SAP130: variants seen among roughly 807,000 people sequenced by gnomAD.
SAP130 encodes Sin3A associated protein 130, also known as histone deacetylase complex subunit SAP130.
A neutral mutation model predicts 103.2 loss-of-function variants in SAP130; 16 were observed. The ratio of observed to expected loss-of-function variants is 0.16; its 90% CI spans 0.10 to 0.24. SAP130 has a LOEUF of 0.24. SAP130 is among the 10% of genes least tolerant of loss of function. The pLI is 1.00. For missense variants in SAP130, 990 were observed against 1,359.7 expected (o/e 0.73, Z 4.28); for synonymous variants, 477 against 497.0 (o/e 0.96, Z 0.53).
intron 15 of SAP130, among the ~76,000 whole-genome samples, chr2:127,959,572 T>C (rs1680094020): frequency 6.6e-6 from 1 of 152,188 alleles, no homozygotes; most frequent in Admixed American, 6.5e-5. Context: ...CCTGCTGGTG[T>C]AGTTTGAGAG....
intron 15 of SAP130, among the ~76,000 whole-genome samples, chr2:127,970,525 G>C (rs1681006070): frequency 7.5e-6 from 1 of 133,450 alleles, no homozygotes; most frequent in African/African-American, 2.9e-5. Flanking sequence ...TGGCGACAGA[G>C]AGCAAGACTC....
chr2:128,002,013 A>G lies in SAP130; in HGVS notation c.870-1559T>C, dbSNP rs1683597038. 1.3e-5 allele frequency among the ~76,000 whole-genome samples: 2 copies of G among 151,248 alleles called. 1 individual carries two copies. Among genetic ancestry groups the G allele is most frequent in the South Asian group, 4.2e-4 (2 of 4,794 alleles). Reference sequence around the variant, plus strand: ...ATGATCTCAGCTGACTGCAACCTCCACCTCCCAGGCAGAGGCAATTCTCCT... The same window carrying G: ...ATGATCTCAGCTGACTGCAACCTCCGCCTCCCAGGCAGAGGCAATTCTCCT... On this transcript the variant is annotated intron_variant, in intron 7 of 20. Transcript: ENST00000643581.
intron 10 of SAP130, among the ~76,000 whole-genome samples, chr2:127,997,432 C>T (rs1015322131): frequency 6.6e-6 from 1 of 152,216 alleles, no homozygotes; most frequent in Non-Finnish European, 1.5e-5. Context: ...AGGATGCCAA[C>T]ATATTACCCT....
intron 10 of SAP130, among the ~76,000 whole-genome samples, chr2:127,999,050 C>A (rs1029731162): frequency 6.6e-6 from 1 of 152,106 alleles, no homozygotes; most frequent in African/African-American, 2.4e-5. Flanking sequence ...CAGAAGGTTA[C>A]GGGAAAAATT....
intron 2 of SAP130, among the ~76,000 whole-genome samples, chr2:128,018,483 C>CAAAAAAAAAAAAAAAAAAAAAAAAAAAA (rs759445928): frequency 2.9e-5 from 2 of 69,474 alleles, no homozygotes; most frequent in African/African-American, 1.3e-4. Context: ...AGATTGTCTC[C>CAAAAAAAAAAAAAAAAAAAAAAAAAAAA]AAAAAAAAAA....
intron 15 of SAP130, among the ~76,000 whole-genome samples, chr2:127,957,159 AGGTG>A (rs1679898693): frequency 6.6e-6 from 1 of 152,048 alleles, no homozygotes; most frequent in Non-Finnish European, 1.5e-5. Context: ...TTAATTAGCC[AGGTG>A]CACTGGCATA....
chr2:128,027,412 C>A, intron 1 of SAP130: 11 of 1,128,126 alleles, frequency 9.8e-6, no homozygotes, highest in East Asian at 4.7e-5. Flanking sequence ...CCCACCCTCC[C>A]GCCGACTGCC....
rs1683161474 is a variant in SAP130 at position 127,996,144 on chromosome 2, A to G, written c.1355+206T>C. On this transcript the variant is annotated intron_variant, in intron 11 of 20. Transcript: ENST00000643581. This position sits in a 1 kb window ranked among gnomAD's most constrained non-coding sequence, Gnocchi z 4.3. The stretch of plus-strand genomic sequence containing the variant: ...AACACACAAAACCCAAAAAATGGAT[A>G]CTAGGAAAACATCCATCAAAAGGAG... Among the ~76,000 whole-genome samples the G allele has an allele frequency of 6.6e-6, 1 of 152,212 alleles. No individual in the cohort carries two copies. The highest frequency in any genetic ancestry group is 2.1e-4 in the South Asian group (1 of 4,830).
intron 16 of SAP130, among the ~76,000 whole-genome samples, chr2:127,951,578 C>G (rs2104736421): frequency 6.6e-6 from 1 of 152,306 alleles, no homozygotes; most frequent in Non-Finnish European, 1.5e-5. Flanking sequence ...TCATGTCTAT[C>G]CTCCCCCATC....
intron 12 of SAP130, among the ~76,000 whole-genome samples, chr2:127,990,960 A>G (rs1215444807): frequency 6.6e-6 from 1 of 151,322 alleles, no homozygotes; most frequent in Non-Finnish European, 1.5e-5. Context: ...AAAAAAAGTA[A>G]AAGAAACAGG....
intron 10 of SAP130, among the ~76,000 whole-genome samples, chr2:127,998,323 T>C (rs1003512685): frequency 1.3e-5 from 2 of 152,212 alleles, no homozygotes; most frequent in African/African-American, 4.8e-5. Context: ...GGTATTCCAT[T>C]GGAATAGAGG....
At chr2:127,988,950 G>A (rs1682589579) in intron 13 of SAP130, among the ~76,000 whole-genome samples, 1 of 152,098 alleles carries the variant, frequency 6.6e-6, no homozygotes, top group Non-Finnish European at 1.5e-5. Flanking sequence ...ATCAGCATAA[G>A]GTTTTACAGC....
chr2:127,955,257 C>G lies in SAP130; in HGVS notation c.2151G>C (p.Gln717His), dbSNP rs1679758053. 2 of 1,613,796 alleles carry G rather than the reference C, an allele frequency of 1.2e-6. No individual in the cohort carries two copies. Among genetic ancestry groups the G allele is most frequent in the South Asian group, 2.2e-5 (2 of 91,070 alleles). Residue 717 changes from glutamine to histidine, a missense_variant, in exon 16 of 21, where the codon CAG (glutamine) becomes CAC (histidine). By Grantham distance (24) the Gln-to-His change is conservative. This residue lies in a region of SAP130 where 349 missense variants were observed against 384.1 expected (regional missense o/e 0.91). Transcript: ENST00000643581. This position sits in a 1 kb window ranked among gnomAD's most constrained non-coding sequence, Gnocchi z 4.9. The stretch of plus-strand genomic sequence containing the variant: ...CAGTTGGAGGGACGGCAATGGTAGG[C>G]TGATCATTATTTTGATTGGATACAG... ...METVSNQNNDQPTIAVPPTAQ... is the reference protein window; with the variant it reads ...METVSNQNNDHPTIAVPPTAQ...
At chr2:127,982,272 A>T (rs1236233947) in intron 14 of SAP130, among the ~76,000 whole-genome samples, 1 of 152,182 alleles carries the variant, frequency 6.6e-6, no homozygotes, top group Non-Finnish European at 1.5e-5. Flanking sequence ...TGTTTATGTG[A>T]ATGATCTACT....
Position 127,996,601 on chromosome 2 carries a change from G to A in SAP130, c.1214-110C>T. On this transcript the variant is annotated intron_variant, in intron 10 of 20. Coordinates refer to ENST00000643581, the MANE Select transcript of SAP130 (RefSeq NM_001330301.2). The surrounding 1 kb of genome is among the most constrained non-coding windows in gnomAD (Gnocchi z 4.3). ...GAAAGCAAACAATTAAAATAAGCCT[G>A]GATTTTTAATCAAAATAAAAAATGA... is the stretch of plus-strand genomic sequence containing the variant. 6.1e-6 allele frequency: 6 copies of A among 990,062 alleles called. No homozygotes were observed. The highest frequency in any genetic ancestry group is 4.8e-5 in the South Asian group (2 of 41,826). The allele number at this position is 990,062 out of a possible 1,614,324, so 61.3% of individuals were successfully genotyped here.
intron 7 of SAP130, among the ~76,000 whole-genome samples, chr2:128,005,942 T>C (rs975519602): frequency 6.6e-6 from 1 of 152,174 alleles, no homozygotes; most frequent in Non-Finnish European, 1.5e-5. Flanking sequence ...TGAATAGTTT[T>C]ATGCTACAGA....
chr2:128,013,028 G>A lies in SAP130; in HGVS notation c.744+2C>T, dbSNP rs765741315. On this transcript the variant is annotated splice_donor_variant, in intron 6 of 20. Transcript: ENST00000643581. LOFTEE classifies it low-confidence loss of function (GC_TO_GT_DONOR). ...CTTAATGCACCCCAGGCTCCGACGT[G>A]CCTGGATTGGTTGGTGAATGATGTG... 2 of 1,607,282 alleles carry A rather than the reference G, an allele frequency of 1.2e-6. No individual in the cohort carries two copies. The highest frequency in any genetic ancestry group is 2.2e-5 in the South Asian group (2 of 90,066).
At chr2:127,978,154 A>G in intron 14 of SAP130, 65 bp from the exon 15 acceptor site, 1 of 1,200,648 alleles carries the variant, frequency 8.3e-7, no homozygotes, top group Non-Finnish European at 1.2e-6. Flanking sequence ...TAAGAAATAC[A>G]GGATGCACAT....
At position 127,989,213 on chromosome 2, in the gene SAP130, C is replaced by T. The variant is rs1682611066; in HGVS notation, c.1780+351G>A. On this transcript the variant is annotated intron_variant, in intron 13 of 20. Coordinates refer to ENST00000643581, the MANE Select transcript of SAP130 (RefSeq NM_001330301.2). The surrounding 1 kb of genome is among the most constrained non-coding windows in gnomAD (Gnocchi z 4.6). ...TCCCCAGTTCACGCCATTCTCTCGC[C>T]TCAGCCTCCCGAGTAGCTAGGACTA... Among the ~76,000 whole-genome samples, 1 of 151,956 alleles carries T rather than the reference C, an allele frequency of 6.6e-6. No individual in the cohort carries two copies. The highest frequency in any genetic ancestry group is 1.5e-5 in the Non-Finnish European group (1 of 67,994).
Sources: allele counts gnomAD v4.1 joint callset (sites outside exome capture counted in the v4.1 genomes callset), GRCh38; gene constraint gnomAD v4.1.1; regional missense constraint gnomAD v4.1.1; non-coding constraint Gnocchi (gnomAD v3.1); transcripts MANE v1.5; gene names NCBI Gene and HGNC (gene_info 2026-07-23, HGNC 2026-07-21).